BBS9: variants seen among roughly 807,000 people sequenced by gnomAD.
BBS9 encodes the protein Bardet-Biedl syndrome 9.
Under a neutral mutation model 117.7 loss-of-function variants are expected in BBS9, and 89 were observed. That is an observed-to-expected ratio of 0.76 (90% CI 0.64 to 0.90). The LOEUF (loss-of-function observed/expected upper bound fraction) is 0.90. Ranked by LOEUF, BBS9 falls within the 40% of genes least tolerant of loss-of-function variation. BBS9 has a pLI of 0.00. For missense variants in BBS9, 982 were observed against 1,042.2 expected (o/e 0.94, Z 0.80); for synonymous variants, 379 against 370.9 (o/e 1.02, Z -0.25).
chr7:33,181,285 A>G (rs911819406), intron 5 of BBS9, among the ~76,000 whole-genome samples: 1 of 152,172 alleles, frequency 6.6e-6, no homozygotes, highest in African/African-American at 2.4e-5. Context: ...AATTGAACCT[A>G]ACAGCCCTAG....
intron 19 of BBS9, among the ~76,000 whole-genome samples, chr7:33,425,843 A>G (rs1833580817): frequency 6.6e-6 from 1 of 152,150 alleles, no homozygotes; most frequent in East Asian, 1.9e-4. Flanking sequence ...TTTGCTGCTC[A>G]CTTATGAGAT....
intron 5 of BBS9, among the ~76,000 whole-genome samples, chr7:33,221,378 T>A (rs1168645966): frequency 2.0e-5 from 3 of 152,164 alleles, no homozygotes; most frequent in Admixed American, 1.3e-4. Flanking sequence ...ATATTTTGAT[T>A]TAAAAAAATT....
chr7:33,186,307 G>A (rs1049084301), intron 5 of BBS9, among the ~76,000 whole-genome samples: 3 of 152,128 alleles, frequency 2.0e-5, no homozygotes, highest in African/African-American at 4.8e-5. Flanking sequence ...TGCTTATTTT[G>A]TATCAGGCAG....
intron 5 of BBS9, among the ~76,000 whole-genome samples, chr7:33,180,647 A>G (rs1462229631): frequency 6.6e-6 from 1 of 152,074 alleles, no homozygotes; most frequent in East Asian, 1.9e-4. Flanking sequence ...GAGCCACTGC[A>G]CCTGGCCGAG....
chr7:33,258,354 T>G (rs1263506597), intron 6 of BBS9, among the ~76,000 whole-genome samples: 2 of 152,240 alleles, frequency 1.3e-5, no homozygotes, highest in Non-Finnish European at 2.9e-5. Flanking sequence ...CATGTTTCAA[T>G]GTTGTGTATA....
chr7:33,294,334 T>C, intron 9 of BBS9, among the ~76,000 whole-genome samples: 2 of 144,834 alleles, frequency 1.4e-5, no homozygotes, highest in African/African-American at 5.3e-5. Context: ...TCTATCTATC[T>C]ATCTATCTAT....
intron 16 of BBS9, among the ~76,000 whole-genome samples, chr7:33,358,329 G>A (rs1349705936): frequency 1.3e-5 from 2 of 151,554 alleles, no homozygotes; most frequent in African/African-American, 4.8e-5. Context: ...TAGGTTTTTG[G>A]ATATATCTGT....
intron 15 of BBS9, among the ~76,000 whole-genome samples, chr7:33,356,403 A>G (rs1819622815): frequency 6.6e-6 from 1 of 151,824 alleles, no homozygotes; most frequent in Non-Finnish European, 1.5e-5. Context: ...ACAAATACAC[A>G]TGCCTCTAAA....
At chr7:33,602,596 C>T (rs1332740237) in intron 21 of BBS9, among the ~76,000 whole-genome samples, 2 of 152,074 alleles carry the variant, frequency 1.3e-5, no homozygotes, top group African/African-American at 2.4e-5. Context: ...GGCATGGTGG[C>T]GCATGCCTGT....
At chr7:33,251,062 G>T (rs540475804) in intron 5 of BBS9, among the ~76,000 whole-genome samples, 7 of 152,124 alleles carry the variant, frequency 4.6e-5, no homozygotes, top group African/African-American at 1.7e-4. Context: ...GGAAAAATGC[G>T]CTGATCTACT....
chr7:33,633,600 C>G (rs1032125764), intron 21 of BBS9, among the ~76,000 whole-genome samples: 1 of 144,148 alleles, frequency 6.9e-6, no homozygotes, highest in African/African-American at 2.6e-5. Flanking sequence ...AAATACAGTT[C>G]TCCTGTGATC....
intron 21 of BBS9, among the ~76,000 whole-genome samples, chr7:33,581,693 A>G (rs546947317): frequency 8.4e-4 from 128 of 152,268 alleles, no homozygotes; most frequent in African/African-American, 3.1e-3. Flanking sequence ...CAGAATGATG[A>G]TAGCCACTAA....
At chr7:33,524,874 T>A (rs1849232596) in intron 20 of BBS9, among the ~76,000 whole-genome samples, 2 of 152,242 alleles carry the variant, frequency 1.3e-5, no homozygotes, top group Non-Finnish European at 2.9e-5. Context: ...CTGCTTTCTC[T>A]TGTGGGCATT....
chr7:33,562,519 G>A (rs938256343), intron 21 of BBS9, among the ~76,000 whole-genome samples: 2 of 152,176 alleles, frequency 1.3e-5, no homozygotes, highest in African/African-American at 2.4e-5. Flanking sequence ...CTAGGTCAAG[G>A]AGGTGCCTTA....
chr7:33,585,709 AT>A (rs1252349704), intron 21 of BBS9, among the ~76,000 whole-genome samples: 1 of 152,112 alleles, frequency 6.6e-6, no homozygotes, highest in Non-Finnish European at 1.5e-5. Context: ...TTATATAAAA[AT>A]TGCATCCGGT....
chr7:33,451,388 G>C (rs1448203156), intron 19 of BBS9, among the ~76,000 whole-genome samples: 1 of 152,054 alleles, frequency 6.6e-6, no homozygotes, highest in Non-Finnish European at 1.5e-5. Context: ...GTTAAATACA[G>C]GCCCTATTTC....
rs1368889257 is a variant in BBS9, at chr7:33,257,333, G to A, written c.540G>A (p.Leu180=). The A allele has an allele frequency of 9.9e-6, 16 of 1,613,796 alleles. No homozygotes were observed. Among genetic ancestry groups the A allele is most frequent in the Middle Eastern group, 3.3e-4 (2 of 6,084 alleles). ...GAAGATTTCTCCCTGGCTTTCTTCT[G>A]CCTGGTCCTCTTGCCTACAGTTCCC... The part of the protein sequence containing the change: ...AFGRFLPGFL[L]PGPLAYSSRT... Residue 180 remains leucine (L), a synonymous_variant, in exon 6 of 23, where the codon CTG becomes CTA. Coordinates refer to ENST00000242067, the MANE Select transcript of BBS9 (RefSeq NM_198428.3).
intron 5 of BBS9, among the ~76,000 whole-genome samples, chr7:33,239,627 C>A (rs1794137130): frequency 6.6e-6 from 1 of 152,126 alleles, no homozygotes. Context: ...ATATTTTAAT[C>A]TTTTGTTATG....
intron 17 of BBS9, among the ~76,000 whole-genome samples, chr7:33,378,866 A>G (rs1200129881): frequency 3.3e-5 from 5 of 151,978 alleles, no homozygotes; most frequent in African/African-American, 1.2e-4. Flanking sequence ...CTCATCAAGA[A>G]CTCAGCTCTG....
Sources: gnomAD v4.1 joint callset for allele counts (sites outside exome capture counted in the v4.1 genomes callset) on GRCh38, gnomAD v4.1.1 for gene constraint, MANE v1.5 for transcripts, NCBI Gene and HGNC (gene_info 2026-07-23, HGNC 2026-07-21) for gene names.